Variants in ABI3BP observed in about 807,000 individuals in gnomAD.
The protein encoded by ABI3BP is target of Nesh-SH3.
ABI3BP carries 216 observed loss-of-function variants against 268.6 expected under a neutral mutation model. That is an observed-to-expected ratio of 0.80 (90% confidence interval 0.72 to 0.90). The LOEUF (loss-of-function observed/expected upper bound fraction) is 0.90, where lower values mean the gene tolerates loss of function less well. ABI3BP is among the 40% of genes least tolerant of loss of function. ABI3BP has a pLI of 0.00. For synonymous variants in ABI3BP, 730 were observed against 730.0 expected (o/e 1.00, Z 0.00); for missense variants, 2,090 against 2,182.4 (o/e 0.96, Z 0.84).
intron 50 of ABI3BP, among the ~76,000 whole-genome samples, chr3:100,805,167 T>C (rs1450636283): frequency 1.3e-5 from 2 of 152,162 alleles, no homozygotes. Context: ...ATGGAATGAA[T>C]GTAAGAGAGC....
At chr3:100,974,872 T>C (rs2085345369) in intron 1 of ABI3BP, among the ~76,000 whole-genome samples, 1 of 152,184 alleles carries the variant, frequency 6.6e-6, no homozygotes, top group Admixed American at 6.6e-5. Flanking sequence ...AGCTTTAGAA[T>C]GTGACATGGA....
chr3:100,779,926 T>C (rs1367394551), intron 58 of ABI3BP, among the ~76,000 whole-genome samples: 1 of 152,226 alleles, frequency 6.6e-6, no homozygotes, highest in African/African-American at 2.4e-5. Flanking sequence ...TTCCTATTAA[T>C]ACTTAATTTG....
chr3:100,789,318 T>G (rs909467587), intron 56 of ABI3BP, 136 bp downstream of exon 56: 2 of 754,286 alleles, frequency 2.7e-6, no homozygotes, highest in Non-Finnish European at 4.2e-6. Flanking sequence ...CCTTTCCACT[T>G]ATCCACACAG....
chr3:100,983,074 G>A (rs1241781398), intron 1 of ABI3BP, among the ~76,000 whole-genome samples: 1 of 152,160 alleles, frequency 6.6e-6, no homozygotes, highest in Non-Finnish European at 1.5e-5. Context: ...TGGAAAACCA[G>A]AATGTTTTCT....
chr3:100,845,656 G>T (rs1172025262), intron 20 of ABI3BP, among the ~76,000 whole-genome samples: 1 of 144,072 alleles, frequency 6.9e-6, no homozygotes, highest in African/African-American at 2.5e-5. Flanking sequence ...TTTAGATAAT[G>T]ATGACACTGA....
intron 1 of ABI3BP, among the ~76,000 whole-genome samples, chr3:100,970,260 G>A (rs914163664): frequency 2.6e-5 from 4 of 152,184 alleles, no homozygotes; most frequent in Admixed American, 6.6e-5. Flanking sequence ...ATTAGGCTTC[G>A]TACTCCATAA....
At chr3:100,955,794 G>A (rs2076605124) in intron 1 of ABI3BP, among the ~76,000 whole-genome samples, 1 of 151,826 alleles carries the variant, frequency 6.6e-6, no homozygotes, top group Non-Finnish European at 1.5e-5. Flanking sequence ...GCCATAAGCT[G>A]GAACAAAACA....
intron 3 of ABI3BP, among the ~76,000 whole-genome samples, chr3:100,901,839 A>G (rs572418154): frequency 1.1e-4 from 16 of 152,254 alleles, no homozygotes; most frequent in Admixed American, 2.0e-4. Flanking sequence ...GCAACATCAG[A>G]TAGAAAAAGC....
rs2152698997 is a variant in ABI3BP, at chr3:100,823,467, T to C, written c.2794A>G (p.Thr932Ala). 6.5e-7 allele frequency: 1 copy of C among 1,534,358 alleles called. No individual in the cohort carries two copies. The highest frequency in any genetic ancestry group is 1.2e-5 in the South Asian group (1 of 83,700). Residue 932 changes from threonine to alanine, a missense_variant, in exon 37 of 68, where the codon ACA (threonine) becomes GCA (alanine). Physicochemically the swap from Thr to Ala is moderately conservative, Grantham distance 58. Transcript: ENST00000471714. ...EPVTLRPEAS[T>A]TLASKTSQRT... ...ACTGTATCAACGTTACCTAATGTTG[T>C]TGAGGCCTCAGGTCTAAGAGTGACA... is the stretch of plus-strand genomic sequence containing the variant.
At chr3:100,907,620 A>C (rs758940432) in intron 2 of ABI3BP, among the ~76,000 whole-genome samples, 8 of 152,272 alleles carry the variant, frequency 5.3e-5, no homozygotes, top group Admixed American at 2.6e-4. Flanking sequence ...AGAGAGGAAA[A>C]TGTTCAAAAA....
At chr3:100,894,082 G>A (rs1276439164) in intron 4 of ABI3BP, among the ~76,000 whole-genome samples, 1 of 152,176 alleles carries the variant, frequency 6.6e-6, no homozygotes, top group Non-Finnish European at 1.5e-5. Context: ...GGTGAGGCAT[G>A]CTTGGATTGG....
intron 24 of ABI3BP, 114 bp downstream of exon 24, chr3:100,839,455 C>T: frequency 4.5e-6 from 5 of 1,119,646 alleles, no homozygotes; most frequent in Non-Finnish European, 6.5e-6. Flanking sequence ...TGAGGAAAAG[C>T]GTGGGATGAA....
At chr3:100,891,696 T>C (rs911774362) in intron 4 of ABI3BP, among the ~76,000 whole-genome samples, 2 of 152,210 alleles carry the variant, frequency 1.3e-5, no homozygotes, top group Admixed American at 6.5e-5. Flanking sequence ...GCAAAGAAGC[T>C]TCAAGAGCTG....
chr3:100,854,079 G>C (rs919649786), intron 14 of ABI3BP, among the ~76,000 whole-genome samples: 4 of 151,888 alleles, frequency 2.6e-5, no homozygotes, highest in African/African-American at 9.7e-5. Context: ...GCCTGGGCGT[G>C]GTGGCTCATG....
At position 100,753,847 on chromosome 3, in the gene ABI3BP, C is replaced by G; in HGVS notation, c.4932G>C (p.Ala1644=). 6.2e-7 allele frequency: 1 copy of G among 1,609,468 alleles called. No homozygotes were observed. The highest frequency in any genetic ancestry group is 8.5e-7 in the Non-Finnish European group (1 of 1,178,004). Residue 1644 remains alanine (A), a splice_region_variant and synonymous_variant, in exon 65 of 68, where the codon GCG becomes GCC. Coordinates refer to ENST00000471714, the MANE Select transcript of ABI3BP (RefSeq NM_001375547.2). The part of the protein sequence containing the change: ...SNTVAFSTES[A]DPRVSEPVSA... ...AAACTGGCTCACTCACTCTTGGGTCCGCTGAGGAGAAATAAATAGAAAAGT... is the reference window on the plus strand; with the variant it reads ...AAACTGGCTCACTCACTCTTGGGTCGGCTGAGGAGAAATAAATAGAAAAGT...
At chr3:100,936,900 C>G (rs961199772) in intron 1 of ABI3BP, among the ~76,000 whole-genome samples, 1 of 151,912 alleles carries the variant, frequency 6.6e-6, no homozygotes, top group African/African-American at 2.4e-5. Flanking sequence ...AGTGGTCTAT[C>G]TATTTTGTTG....
intron 2 of ABI3BP, among the ~76,000 whole-genome samples, chr3:100,908,177 A>T (rs1380122412): frequency 6.6e-6 from 1 of 152,120 alleles, no homozygotes; most frequent in Non-Finnish European, 1.5e-5. Context: ...CTGAAAAGTC[A>T]TTTGAAAGAA....
intron 4 of ABI3BP, among the ~76,000 whole-genome samples, chr3:100,894,958 A>AAAAAACAAAAAAAAAAAC (rs1481682658): frequency 6.9e-6 from 1 of 144,100 alleles, no homozygotes; most frequent in African/African-American, 2.5e-5. Flanking sequence ...AAAAAAAAAA[A>AAAAAACAAAAAAAAAAAC]AAAAAAAAAC....
chr3:100,875,620 A>G, intron 7 of ABI3BP, 41 bp from the exon 8 acceptor site: 1 of 1,416,416 alleles, frequency 7.1e-7, no homozygotes, highest in African/African-American at 1.4e-5. Context: ...GGTGGGAAAT[A>G]GGAGGCAGTA....
Sources: allele counts gnomAD v4.1 joint callset (sites outside exome capture counted in the v4.1 genomes callset), GRCh38; gene constraint gnomAD v4.1.1; transcripts MANE v1.5; gene names NCBI Gene and HGNC (gene_info 2026-07-23, HGNC 2026-07-21).